Variants in COA6 observed in about 807,000 individuals in gnomAD.
COA6 encodes the protein cytochrome c oxidase assembly factor 6.
COA6 carries 12 observed loss-of-function variants against 17.1 expected under a neutral mutation model. The ratio of observed to expected loss-of-function variants is 0.70; its 90% CI spans 0.45 to 1.14. The LOEUF is 1.14. Ranked by LOEUF, COA6 falls within the 50% of genes most tolerant of loss-of-function variation. The probability of loss-of-function intolerance (pLI) is 0.00; values close to 1 mark genes in which losing one functional copy is unlikely to be tolerated. For missense variants in COA6, 246 were observed against 196.5 expected, an observed-to-expected ratio of 1.25 and a Z score of -1.51; for synonymous variants, 90 against 73.4, an observed-to-expected ratio of 1.23 and a Z score of -1.16.
In COA6 at chr1:234,377,181, C is replaced by G. The variant is rs529406367; in HGVS notation, c.372+2792C>G. On this transcript the variant is annotated intron_variant, in intron 2 of 2. Coordinates refer to ENST00000366615, the MANE Select transcript of COA6 (RefSeq NM_001206641.3). ...TCACTCTGTCACCCAGGCTGGAGTGCAGTGGTGTGATCTCAGCTCACTGCA... is the reference window on the plus strand; with the variant it reads ...TCACTCTGTCACCCAGGCTGGAGTGGAGTGGTGTGATCTCAGCTCACTGCA... Among the ~76,000 whole-genome samples the G allele has an allele frequency of 2.1e-5, 3 of 144,920 alleles. No individual in the cohort carries two copies. In the East Asian group the frequency reaches 6.0e-4, roughly 29 times the overall value.
chr1:234,375,249 G>A (rs1186158008), intron 2 of COA6, among the ~76,000 whole-genome samples: 1 of 152,178 alleles, frequency 6.6e-6, no homozygotes, highest in Non-Finnish European at 1.5e-5. Context: ...GGAGGTTGTA[G>A]TGAGCCAAGA....
intron 2 of COA6, among the ~76,000 whole-genome samples, chr1:234,379,657 C>T (rs1658913530): frequency 6.6e-6 from 1 of 152,150 alleles, no homozygotes; most frequent in African/African-American, 2.4e-5. Flanking sequence ...GTTTAATTGA[C>T]TCACAGTTCA....
rs772962808 is a variant in COA6 at position 234,374,244 on chromosome 1, G to T, written c.227G>T (p.Gly76Val). The T allele has an allele frequency of 3.7e-6, 6 of 1,612,236 alleles. No individual in the cohort carries two copies. In the South Asian group the frequency reaches 5.5e-5, roughly 15 times the overall value. Reference protein sequence around the residue: ...RGRAESFIAVGMAAPSMKERQ... With the variant: ...RGRAESFIAVVMAAPSMKERQ... ...TTGGCCAACAGCTTCATCGCAGTAG[G>T]AATGGCAGCCCCATCTATGAAGGAA... Residue 76 changes from glycine to valine, a missense_variant, in exon 2 of 3, where the codon GGA (glycine) becomes GTA (valine). Coordinates refer to ENST00000366615, the MANE Select transcript of COA6 (RefSeq NM_001206641.3).
At chr1:234,376,307 A>G (rs1368581095) in intron 2 of COA6, among the ~76,000 whole-genome samples, 2 of 152,024 alleles carry the variant, frequency 1.3e-5, no homozygotes, top group East Asian at 1.9e-4. Flanking sequence ...GGTTTTTACA[A>G]CCAGCCATTT....
rs60042887 is a variant in COA6 at position 234,383,573 on chromosome 1, G to GACACACACACACAC, written c.373-138_373-125dup. Reference sequence around the variant, plus strand: ...AAAAACATCATTCATAGTTACAGCTGACACACACACACACACACACACACA... The same window carrying GACACACACACACAC: ...AAAAACATCATTCATAGTTACAGCTGACACACACACACACACACACACACACACACACACACACA... On this transcript the variant is annotated intron_variant, in intron 2 of 2. Coordinates refer to ENST00000366615, the MANE Select transcript of COA6 (RefSeq NM_001206641.3). 5.7e-3 allele frequency: 2,705 copies of GACACACACACACAC among 473,216 alleles called. 4 individuals are homozygous for GACACACACACACAC. Among genetic ancestry groups the GACACACACACACAC allele is most frequent in the African/African-American group, 0.011 (537 of 47,814 alleles). 29.3% of individuals were successfully genotyped at this position (473,216 alleles called of 1,614,324 possible). A position where few individuals can be genotyped will look rare whatever the true frequency, so the allele number is the denominator to read the frequency against.
At chr1:234,383,036 A>AGGGAGGGAGGG (rs1659019881) in intron 2 of COA6, among the ~76,000 whole-genome samples, 1 of 49,362 alleles carries the variant, frequency 2.0e-5, no homozygotes, top group African/African-American at 8.7e-5. Flanking sequence ...AGAGAGAAGG[A>AGGGAGGGAGGG]AGGGAGGGAG....
chr1:234,378,829 T>C (rs1381318722), intron 2 of COA6, among the ~76,000 whole-genome samples: 3 of 151,564 alleles, frequency 2.0e-5, no homozygotes, highest in Non-Finnish European at 2.9e-5. Flanking sequence ...GCTGAGATTA[T>C]GCCACTGCAC....
At chr1:234,382,703 T>C (rs1405609969) in intron 2 of COA6, among the ~76,000 whole-genome samples, 5 of 152,144 alleles carry the variant, frequency 3.3e-5, no homozygotes, top group African/African-American at 4.8e-5. Flanking sequence ...AAGATGAATT[T>C]AGAGTTGATA....
At position 234,374,530 on chromosome 1, in the gene COA6, A is replaced by G. The variant is rs1043936075; in HGVS notation, c.372+141A>G. 9 of 759,130 alleles carry G rather than the reference A, an allele frequency of 1.2e-5. 1 individual carries two copies. The South Asian group carries it at 1.6e-4, about 14-fold the overall frequency. 47.0% of individuals were successfully genotyped at this position (759,130 alleles called of 1,614,324 possible). On this transcript the variant is annotated intron_variant, in intron 2 of 2. Transcript: ENST00000366615. ...GGCGCAGAGAAAACCTTGCCTGGTA[A>G]TTCAGCCTTATTTGACGCACTTACA...
rs1158866312 is a variant in COA6 at position 234,377,119 on chromosome 1, C to CTTTTT, written c.372+2733_372+2737dup. On this transcript the variant is annotated intron_variant, in intron 2 of 2. Coordinates refer to ENST00000366615, the MANE Select transcript of COA6 (RefSeq NM_001206641.3). ...GAGAGAGATCCAGTCTCTGTCTCCTCTTTTTTTGTTTTTTTTGTTGTTGTT... is the reference window on the plus strand; with the variant it reads ...GAGAGAGATCCAGTCTCTGTCTCCTCTTTTTTTTTTTTGTTTTTTTTGTTGTTGTT... 6.6e-4 allele frequency among the ~76,000 whole-genome samples: 27 copies of CTTTTT among 40,908 alleles called. 2 individuals are homozygous for CTTTTT. The highest frequency in any genetic ancestry group is 1.1e-3 in the African/African-American group (5 of 4,528). The allele number at this position is 40,908 out of a possible 152,430, so 26.8% of individuals were successfully genotyped here.
chr1:234,380,061 C>T (rs992330209), intron 2 of COA6, among the ~76,000 whole-genome samples: 5 of 152,152 alleles, frequency 3.3e-5, no homozygotes, highest in Admixed American at 6.5e-5. Flanking sequence ...AGTGATAGCC[C>T]GTTTCCCATT....
intron 2 of COA6, among the ~76,000 whole-genome samples, chr1:234,374,942 G>A (rs1658746071): frequency 6.6e-6 from 1 of 152,160 alleles, no homozygotes; most frequent in Admixed American, 6.5e-5. Flanking sequence ...AGGTTAGTAA[G>A]TGGCCATGTG....
intron 1 of COA6, chr1:234,374,021 C>A: frequency 1.1e-6 from 1 of 948,574 alleles, no homozygotes; most frequent in Non-Finnish European, 1.5e-6. Flanking sequence ...TGAGATAAGC[C>A]TCAAGAGCGG....
intron 2 of COA6, among the ~76,000 whole-genome samples, chr1:234,376,078 A>T (rs1236476294): frequency 6.6e-6 from 1 of 152,074 alleles, no homozygotes; most frequent in Non-Finnish European, 1.5e-5. Context: ...TCAATGTGGG[A>T]CTCTATGATT....
At chr1:234,379,237 G>T (rs992533970) in intron 2 of COA6, among the ~76,000 whole-genome samples, 5 of 152,012 alleles carry the variant, frequency 3.3e-5, no homozygotes, top group Non-Finnish European at 5.9e-5. Context: ...TTTGGGTTTA[G>T]GAGTAAGGAG....
chr1:234,378,841 C>T (rs1658882864), intron 2 of COA6, among the ~76,000 whole-genome samples: 1 of 151,728 alleles, frequency 6.6e-6, no homozygotes, highest in South Asian at 2.1e-4. Context: ...CCACTGCACT[C>T]CAGCCTGGGT....
In COA6 at chr1:234,373,504, G is replaced by T. The variant is rs759695677; in HGVS notation, c.38G>T (p.Arg13Leu). The stretch of plus-strand genomic sequence containing the variant: ...AAGGGTCAAAAGAGTCCGCGGTTTC[G>T]CCGCGTGAGTTGCTTTTTGCGGCTG... ...ARKGQKSPRF[R>L]RVSCFLRLGR... Residue 13 changes from arginine to leucine, a missense_variant, in exon 1 of 3, where the codon CGC becomes CTC. Arg to Leu is a moderately radical substitution (Grantham distance 102, BLOSUM62 -2). Transcript: ENST00000366615. 6.2e-7 allele frequency: 1 copy of T among 1,601,070 alleles called. No individual in the cohort carries two copies. The highest frequency in any genetic ancestry group is 8.5e-7 in the Non-Finnish European group (1 of 1,173,840).
chr1:234,379,836 C>T (rs1013972011), intron 2 of COA6, among the ~76,000 whole-genome samples: 4 of 152,138 alleles, frequency 2.6e-5, no homozygotes, highest in South Asian at 2.1e-4. Flanking sequence ...ACAAGAACAG[C>T]GTGGGAGAAA....
chr1:234,374,175 T>C, intron 1 of COA6, 55 bp from the exon 2 acceptor site: 1 of 1,509,934 alleles, frequency 6.6e-7, no homozygotes, highest in African/African-American at 1.4e-5. Flanking sequence ...TTTCCTTATC[T>C]TCTCTTCAGA....
Sources: gnomAD v4.1 joint callset for allele counts (sites outside exome capture counted in the v4.1 genomes callset) on GRCh38, gnomAD v4.1.1 for gene constraint, MANE v1.5 for transcripts, NCBI Gene and HGNC (gene_info 2026-07-23, HGNC 2026-07-21) for gene names.